SACM1L: variants seen among roughly 807,000 people sequenced by gnomAD.
SACM1L encodes phosphatidylinositol-3-phosphatase SAC1.
Under a neutral mutation model 89.5 loss-of-function variants are expected in SACM1L, and 32 were observed. The ratio of observed to expected loss-of-function variants is 0.36; its 90% CI spans 0.27 to 0.48. The LOEUF (loss-of-function observed/expected upper bound fraction) is 0.48. SACM1L is among the 20% of genes least tolerant of loss of function. The pLI is 0.99. For missense variants in SACM1L, 543 were observed against 708.5 expected, an observed-to-expected ratio of 0.77 and a Z score of 2.65; for synonymous variants, 213 against 232.8, an observed-to-expected ratio of 0.92 and a Z score of 0.77.
At chr3:45,727,458 G>A (rs1279488658) in intron 11 of SACM1L, among the ~76,000 whole-genome samples, 1 of 152,044 alleles carries the variant, frequency 6.6e-6, no homozygotes, top group Non-Finnish European at 1.5e-5. Flanking sequence ...TATTTCATGT[G>A]TACTTGTAAA....
At chr3:45,719,101 GCAGTAGC>G (rs1425922678) in intron 7 of SACM1L, among the ~76,000 whole-genome samples, 1 of 151,950 alleles carries the variant, frequency 6.6e-6, no homozygotes, top group African/African-American at 2.4e-5. Flanking sequence ...CCCCTTAGCT[GCAGTAGC>G]CTAGCCTTCC....
chr3:45,692,329 T>A (rs896289155), intron 1 of SACM1L, among the ~76,000 whole-genome samples: 20 of 150,522 alleles, frequency 1.3e-4, no homozygotes, highest in Admixed American at 5.3e-4. Flanking sequence ...TTTTTTTTTT[T>A]TTATTATTTT....
At chr3:45,733,789 C>T (rs577651258) in intron 13 of SACM1L, among the ~76,000 whole-genome samples, 12 of 152,312 alleles carry the variant, frequency 7.9e-5, no homozygotes, top group African/African-American at 2.9e-4. Flanking sequence ...AATGGTGGTG[C>T]TGCTGTTACC....
At chr3:45,691,183 C>G (rs955982456) in intron 1 of SACM1L, among the ~76,000 whole-genome samples, 1 of 152,192 alleles carries the variant, frequency 6.6e-6, no homozygotes, top group African/African-American at 2.4e-5. Flanking sequence ...GTGATAAAGT[C>G]AAACTGGGGT....
At chr3:45,701,783 C>T (rs1413830994) in intron 1 of SACM1L, among the ~76,000 whole-genome samples, 1 of 152,158 alleles carries the variant, frequency 6.6e-6, no homozygotes, top group African/African-American at 2.4e-5. Context: ...TTCTCCCTTC[C>T]TGCACAAGTT....
chr3:45,698,400 A>T (rs921800074), intron 1 of SACM1L, among the ~76,000 whole-genome samples: 3 of 152,222 alleles, frequency 2.0e-5, no homozygotes, highest in Non-Finnish European at 4.4e-5. Context: ...TACCACTTTC[A>T]GTGACATTAT....
At chr3:45,718,563 TTTCA>T (rs1698718718) in intron 7 of SACM1L, among the ~76,000 whole-genome samples, 1 of 152,182 alleles carries the variant, frequency 6.6e-6, no homozygotes, top group African/African-American at 2.4e-5. Context: ...GTGGCATTAA[TTTCA>T]TTCACAGTGT....
At chr3:45,690,138 A>G (rs1393054678) in intron 1 of SACM1L, 2 of 152,318 alleles carry the variant, frequency 1.3e-5, no homozygotes, top group African/African-American at 4.8e-5. Flanking sequence ...CTGCAAATTG[A>G]CTTTTCGGTA....
At position 45,719,673 on chromosome 3, in the gene SACM1L, T is replaced by C. The variant is rs191202315; in HGVS notation, c.679+72T>C. On this transcript the variant is annotated intron_variant, in intron 8 of 19. Coordinates refer to ENST00000389061, the MANE Select transcript of SACM1L (RefSeq NM_014016.5). ...CTTACGGTGACACGAATGTAACCTT[T>C]TGTATTTTATTTGTTTTCATTATCA... The C allele has an allele frequency of 1.7e-4, 138 of 820,788 alleles. No homozygotes were observed. The African/African-American group carries it at 2.2e-3, about 13-fold the overall frequency. The allele number at this position is 820,788 out of a possible 1,614,324, so 50.8% of individuals were successfully genotyped here.
chr3:45,689,618 A>G, intron 1 of SACM1L, 121 bp downstream of exon 1: 3 of 1,238,274 alleles, frequency 2.4e-6, no homozygotes, highest in South Asian at 2.6e-5. Context: ...CCTCGCATTT[A>G]CCGGTTTTCC....
At chr3:45,735,476 C>T in intron 14 of SACM1L, 103 bp downstream of exon 14, 1 of 1,143,690 alleles carries the variant, frequency 8.7e-7, no homozygotes. Flanking sequence ...CACACCCTAA[C>T]CCAGCTCTTT....
At chr3:45,725,471 A>G (rs1040430554) in intron 11 of SACM1L, among the ~76,000 whole-genome samples, 1 of 152,052 alleles carries the variant, frequency 6.6e-6, no homozygotes, top group Non-Finnish European at 1.5e-5. Flanking sequence ...GTTAGTGTAA[A>G]TGAAATTGTT....
At chr3:45,706,209 TGAG>T (rs1698388059) in intron 3 of SACM1L, among the ~76,000 whole-genome samples, 1 of 152,150 alleles carries the variant, frequency 6.6e-6, no homozygotes, top group South Asian at 2.1e-4. Flanking sequence ...ATTTCTGGGG[TGAG>T]GAGGTGGCAA....
intron 11 of SACM1L, among the ~76,000 whole-genome samples, chr3:45,726,886 T>TCA (rs1462998121): frequency 3.1e-4 from 6 of 19,464 alleles, no homozygotes; most frequent in South Asian, 7.8e-4. Flanking sequence ...TTTTTTTTTT[T>TCA]TTTTTTTTTT....
Position 45,703,428 on chromosome 3 carries a change from T to G in SACM1L, c.33-10T>G. ...TTGGTTAGTTATTTATGTTTTACATTTCTTCTTAGGCATATCACACCTGAA... is the reference window on the plus strand; with the variant it reads ...TTGGTTAGTTATTTATGTTTTACATGTCTTCTTAGGCATATCACACCTGAA... On this transcript the variant is annotated splice_polypyrimidine_tract_variant and intron_variant, in intron 1 of 19. Transcript: ENST00000389061. 6.3e-7 allele frequency: 1 copy of G among 1,584,404 alleles called. No homozygotes were observed. Among genetic ancestry groups the G allele is most frequent in the Non-Finnish European group, 8.7e-7 (1 of 1,153,686 alleles).
chr3:45,709,462 CAATTATGAGCTATACT>C lies in SACM1L; in HGVS notation c.334-35_334-20del, dbSNP rs1698472528. On this transcript the variant is annotated intron_variant, in intron 4 of 19. Coordinates refer to ENST00000389061, the MANE Select transcript of SACM1L (RefSeq NM_014016.5). Reference sequence around the variant, plus strand: ...TTTCTCATGCTGGCAGATTCCTTTTCAATTATGAGCTATACTGATTTTTCTTTGTTTATAGTTACAA... The same window carrying C: ...TTTCTCATGCTGGCAGATTCCTTTTCGATTTTTCTTTGTTTATAGTTACAA... The C allele has an allele frequency of 6.5e-7, 1 of 1,538,518 alleles. No homozygotes were observed.
At chr3:45,692,988 C>T (rs1698032382) in intron 1 of SACM1L, among the ~76,000 whole-genome samples, 1 of 152,164 alleles carries the variant, frequency 6.6e-6, no homozygotes, top group Non-Finnish European at 1.5e-5. Context: ...TTTGTACAAA[C>T]ATCAGAGTAT....
intron 4 of SACM1L, among the ~76,000 whole-genome samples, chr3:45,707,928 G>A (rs1337889683): frequency 6.6e-6 from 1 of 151,906 alleles, no homozygotes; most frequent in African/African-American, 2.4e-5. Context: ...TATTCTCGGT[G>A]TTTCTAATGT....
chr3:45,710,643 G>A (rs1698505056), intron 5 of SACM1L, among the ~76,000 whole-genome samples: 3 of 151,928 alleles, frequency 2.0e-5, no homozygotes, highest in African/African-American at 7.2e-5. Flanking sequence ...AGTGTTTAAT[G>A]AGAAGACAGA....
Sources: allele counts gnomAD v4.1 joint callset (sites outside exome capture counted in the v4.1 genomes callset), GRCh38; gene constraint gnomAD v4.1.1; transcripts MANE v1.5; gene names NCBI Gene and HGNC (gene_info 2026-07-23, HGNC 2026-07-21).